The following SAMMSON variants were observed in gnomAD, a reference collection of about 807,000 sequenced individuals.
The protein encoded by SAMMSON is survival associated mitochondrial melanoma specific oncogenic non-coding RNA.
At chr3:70,169,221 GCTT>G (rs1313986875) in intron 4 of SAMMSON, among the ~76,000 whole-genome samples, 7 of 152,010 alleles carry the variant, frequency 4.6e-5, no homozygotes, top group African/African-American at 1.7e-4. Context: ...AAGCAAAAGT[GCTT>G]CTCAGTTTTA....
At chr3:70,071,180 G>C (rs1362407687) in intron 3 of SAMMSON, among the ~76,000 whole-genome samples, 1 of 151,978 alleles carries the variant, frequency 6.6e-6, no homozygotes, top group African/African-American at 2.4e-5. Context: ...ATCACAAAGA[G>C]GTACAATCAC....
intron 3 of SAMMSON, among the ~76,000 whole-genome samples, chr3:70,023,314 A>T (rs1035562674): frequency 6.6e-6 from 1 of 151,794 alleles, no homozygotes; most frequent in Admixed American, 6.6e-5. Context: ...AAAAAAAATT[A>T]GCCAGGCGTG....
Position 70,194,175 on chromosome 3 carries a change from GA to G in SAMMSON, n.508-54924del, listed in dbSNP as rs200084209. 5.6e-3 allele frequency among the ~76,000 whole-genome samples: 846 copies of G among 151,998 alleles called. 4 individuals are homozygous for G. Among genetic ancestry groups the G allele is most frequent in the Non-Finnish European group, 8.7e-3 (593 of 67,924 alleles). On this transcript the variant is annotated intron_variant and non_coding_transcript_variant, in intron 4 of 9. Transcript: ENST00000642114. Reference sequence around the variant, plus strand: ...TAGCTATGTCGTTATAATGCTGTAGGAAAAAAAATGTCTGTTCCTCATTCTA... The same window carrying G: ...TAGCTATGTCGTTATAATGCTGTAGGAAAAAAATGTCTGTTCCTCATTCTA...
chr3:70,408,583 C>A (rs1021367125), intron 2 of SAMMSON, among the ~76,000 whole-genome samples: 1 of 152,170 alleles, frequency 6.6e-6, no homozygotes, highest in African/African-American at 2.4e-5. Context: ...CAGTTCCCAA[C>A]AAGTTCCTCA....
At chr3:70,294,704 C>T (rs749940759) in intron 7 of SAMMSON, among the ~76,000 whole-genome samples, 16 of 151,940 alleles carry the variant, frequency 1.1e-4, no homozygotes, top group Non-Finnish European at 1.6e-4. Context: ...TAGAATGGCT[C>T]GAGGATTGAT....
In SAMMSON at chr3:70,197,184, C is replaced by T. The variant is rs1315092239; in HGVS notation, n.508-51923C>T. On this transcript the variant is annotated intron_variant and non_coding_transcript_variant, in intron 4 of 9. Transcript: ENST00000642114. ...AGGCGAGGATAAGGGAGGCACACTC[C>T]TCTGTTTAAAGAAGAAGACCAATTA... The T allele has an allele frequency of 1.8e-5, 7 of 398,412 alleles. No homozygotes were observed. In the South Asian group the frequency reaches 7.6e-4, roughly 44 times the overall value. The allele number at this position is 398,412 out of a possible 1,614,324, so 24.7% of individuals were successfully genotyped here.
chr3:70,126,131 G>T, intron 4 of SAMMSON: 1 of 1,268,802 alleles, frequency 7.9e-7, no homozygotes, highest in Non-Finnish European at 1.1e-6. Context: ...CTGGAAGGTG[G>T]TGGGTACATA....
rs186387766 is a variant in SAMMSON, at chr3:70,285,854, T to C, written n.675-5325T>C. Reference sequence around the variant, plus strand: ...TGTGTTTTTTGGCTGCATAAATGTCTTCTTTTGAGAAGTGTCTGTTCATGT... The same window carrying C: ...TGTGTTTTTTGGCTGCATAAATGTCCTCTTTTGAGAAGTGTCTGTTCATGT... On this transcript the variant is annotated intron_variant and non_coding_transcript_variant, in intron 6 of 9. Transcript: ENST00000642114. Among the ~76,000 whole-genome samples the C allele has an allele frequency of 1.8e-3, 276 of 152,270 alleles. 1 individual carries two copies. Among genetic ancestry groups the C allele is most frequent in the African/African-American group, 6.4e-3 (265 of 41,550 alleles).
intron 3 of SAMMSON, chr3:70,068,581 C>G (rs1313153122): frequency 2.0e-5 from 3 of 152,056 alleles, no homozygotes; most frequent in Non-Finnish European, 4.4e-5. Flanking sequence ...GGCAATTAAT[C>G]AAGAAATTAT....
intron 4 of SAMMSON, among the ~76,000 whole-genome samples, chr3:70,118,663 C>T (rs996437758): frequency 3.3e-5 from 5 of 152,284 alleles, no homozygotes; most frequent in Non-Finnish European, 4.4e-5. Context: ...CATGGCACCC[C>T]GAGCCCTTTT....
chr3:70,314,995 G>A (rs941774512), intron 7 of SAMMSON, among the ~76,000 whole-genome samples: 1 of 150,156 alleles, frequency 6.7e-6, no homozygotes, highest in African/African-American at 2.4e-5. Context: ...TGGAGAGTAT[G>A]GATTCTTTGA....
rs141402809 is a variant in SAMMSON at position 70,373,467 on chromosome 3, G to T, written n.913+15143G>T. The stretch of plus-strand genomic sequence containing the variant: ...GTATATTTATTTAGGTTTTCTTGTT[G>T]GGGTTTACTATAATAAGCTTCTTCA... On this transcript the variant is annotated intron_variant and non_coding_transcript_variant, in intron 9 of 9. Coordinates refer to ENST00000642114, the Ensembl canonical transcript of SAMMSON. Among the ~76,000 whole-genome samples, 109 of 152,110 alleles carry T rather than the reference G, an allele frequency of 7.2e-4. 1 individual carries two copies. The East Asian group carries it at 0.02, about 28-fold the overall frequency.
chr3:70,284,708 C>T (rs532635999), intron 6 of SAMMSON, among the ~76,000 whole-genome samples: 1 of 152,020 alleles, frequency 6.6e-6, no homozygotes, highest in Non-Finnish European at 1.5e-5. Context: ...GAACACATGG[C>T]CACAGGGAGG....
At chr3:70,409,984 A>G (rs1050232096) in intron 2 of SAMMSON, among the ~76,000 whole-genome samples, 3 of 151,956 alleles carry the variant, frequency 2.0e-5, no homozygotes, top group Admixed American at 6.6e-5. Flanking sequence ...CACCCTGCCA[A>G]CTTTCCACTT....
intron 2 of SAMMSON, among the ~76,000 whole-genome samples, chr3:70,429,113 T>A (rs1300161288): frequency 6.6e-6 from 1 of 152,332 alleles, no homozygotes; most frequent in South Asian, 2.1e-4. Flanking sequence ...TACATTTAAG[T>A]CTTTAATCCA....
At chr3:70,199,879 G>A (rs937982096) in intron 4 of SAMMSON, among the ~76,000 whole-genome samples, 2 of 152,062 alleles carry the variant, frequency 1.3e-5, no homozygotes, top group African/African-American at 2.4e-5. Context: ...CCTGCTGCAC[G>A]TCTCTTCTGC....
chr3:70,218,431 C>T (rs1417939099), intron 4 of SAMMSON, among the ~76,000 whole-genome samples: 1 of 152,020 alleles, frequency 6.6e-6, no homozygotes, highest in Non-Finnish European at 1.5e-5. Context: ...ATCTGGAGAC[C>T]ACTGGTCTGA....
chr3:70,116,311 A>T lies in SAMMSON; in HGVS notation n.507+44746A>T, dbSNP rs1180360713. Among the ~76,000 whole-genome samples the T allele has an allele frequency of 2.0e-4, 13 of 66,478 alleles. 1 individual carries two copies. The highest frequency in any genetic ancestry group is 7.0e-4 in the South Asian group (1 of 1,438). 43.6% of individuals were successfully genotyped at this position (66,478 alleles called of 152,430 possible). A position where few individuals can be genotyped will look rare whatever the true frequency, so the allele number is the denominator to read the frequency against. ...TGCTTTCTTTTTTTTTTTTTTTTTT[A>T]AAGAAAATAGTCTGCATTGCCCTTT... is the stretch of plus-strand genomic sequence containing the variant. On this transcript the variant is annotated intron_variant and non_coding_transcript_variant, in intron 4 of 9. Transcript: ENST00000642114.
At chr3:70,387,706 T>C (rs746967856) in intron 9 of SAMMSON, among the ~76,000 whole-genome samples, 1 of 152,110 alleles carries the variant, frequency 6.6e-6, no homozygotes, top group South Asian at 2.1e-4. Flanking sequence ...AAAATAGCAA[T>C]TGAAATTGTT....
Sources: allele counts gnomAD v4.1 joint callset (sites outside exome capture counted in the v4.1 genomes callset), GRCh38; gene constraint gnomAD v4.1.1; transcripts MANE v1.5; gene names NCBI Gene and HGNC (gene_info 2026-07-23, HGNC 2026-07-21).